ZNF415: variants seen among roughly 807,000 people sequenced by gnomAD.
ZNF415 encodes zinc finger protein 415.
A neutral mutation model predicts 7.3 loss-of-function variants in ZNF415; 5 were observed. The observed-to-expected ratio is 0.69, with a 90% confidence interval of 0.36 to 1.44. The LOEUF (loss-of-function observed/expected upper bound fraction) is 1.44. ZNF415 is among the 40% of genes most tolerant of loss of function. ZNF415 has a pLI of 0.04. For missense variants in ZNF415, 628 were observed against 664.8 expected, an observed-to-expected ratio of 0.94 and a Z score of 0.61; for synonymous variants, 207 against 226.3, an observed-to-expected ratio of 0.91 and a Z score of 0.77.
At chr19:53,127,474 CT>C (rs1164821430) in intron 1 of ZNF415, among the ~76,000 whole-genome samples, 1 of 152,198 alleles carries the variant, frequency 6.6e-6, no homozygotes, top group Non-Finnish European at 1.5e-5. Context: ...CCACCAAAGC[CT>C]ACCAATAAAA....
intron 1 of ZNF415, among the ~76,000 whole-genome samples, chr19:53,130,349 A>G (rs1216840439): frequency 6.6e-6 from 1 of 152,188 alleles, no homozygotes; most frequent in East Asian, 1.9e-4. Flanking sequence ...TATAATAAAG[A>G]GCAGAAAGCA....
chr19:53,116,566 G>A, intron 2 of ZNF415, 133 bp from the exon 3 acceptor site: 1 of 1,199,102 alleles, frequency 8.3e-7, no homozygotes, highest in African/African-American at 1.6e-5. Context: ...TCCACACTAA[G>A]GTATTTTTGA....
At chr19:53,126,271 G>A (rs996236045) in intron 1 of ZNF415, among the ~76,000 whole-genome samples, 5 of 151,282 alleles carry the variant, frequency 3.3e-5, no homozygotes, top group African/African-American at 9.7e-5. Flanking sequence ...AAGGGCAAGC[G>A]CAAGTCCACC....
At chr19:53,113,198 T>C (rs905607457) in intron 3 of ZNF415, among the ~76,000 whole-genome samples, 2 of 151,542 alleles carry the variant, frequency 1.3e-5, no homozygotes, top group Admixed American at 6.6e-5. Flanking sequence ...CTTAAACAAA[T>C]GACACTGGAC....
chr19:53,110,343 A>G (rs935123714), intron 3 of ZNF415, among the ~76,000 whole-genome samples: 1 of 152,238 alleles, frequency 6.6e-6, no homozygotes, highest in African/African-American at 2.4e-5. Flanking sequence ...ATGGTAACTA[A>G]GCCACAACAA....
Position 53,108,526 on chromosome 19 carries a change from C to T in ZNF415, c.1519G>A (p.Val507Met). 1 of 1,614,116 alleles carries T rather than the reference C, an allele frequency of 6.2e-7. No individual in the cohort carries two copies. The highest frequency in any genetic ancestry group is 8.5e-7 in the Non-Finnish European group (1 of 1,179,958). ...KCNECGKSFS[V>M]RPNLTRHQII... ...TGATGTCTAGTGAGGTTTGGGCGCA[C>T]ACTAAAGGATTTGCCACACTCATTA... The change falls in exon 4 of 4, where the codon GTG (valine) becomes ATG (methionine). Residue 507 changes from valine (V) to methionine (M), a missense_variant. Physicochemically the swap from Val to Met is conservative, Grantham distance 21. Coordinates refer to ENST00000243643, the MANE Select transcript of ZNF415 (RefSeq NM_018355.4).
At chr19:53,113,261 C>CAAAAAAAGA in intron 3 of ZNF415, among the ~76,000 whole-genome samples, 1 of 27,844 alleles carries the variant, frequency 3.6e-5, no homozygotes. Flanking sequence ...GTAATCCCAG[C>CAAAAAAAGA]ACTTTGGGAG....
At chr19:53,116,461 A>G in intron 2 of ZNF415, 28 bp from the exon 3 acceptor site, 2 of 1,613,826 alleles carry the variant, frequency 1.2e-6, no homozygotes, top group Non-Finnish European at 1.7e-6. Context: ...AACACATTTC[A>G]CCAAGAGGTT....
chr19:53,117,075 AT>A (rs1466647609), intron 2 of ZNF415, among the ~76,000 whole-genome samples: 3 of 152,178 alleles, frequency 2.0e-5, no homozygotes, highest in Non-Finnish European at 4.4e-5. Flanking sequence ...AATTTCATAG[AT>A]TCTCAAAGAG....
chr19:53,115,580 A>C (rs886220203), intron 3 of ZNF415: 2 of 750,700 alleles, frequency 2.7e-6, no homozygotes, highest in African/African-American at 3.5e-5. Flanking sequence ...GGGGAAGTTT[A>C]AAATTTCCTC....
intron 2 of ZNF415, among the ~76,000 whole-genome samples, chr19:53,119,562 G>C (rs1051772807): frequency 7.0e-5 from 10 of 142,588 alleles, no homozygotes; most frequent in African/African-American, 2.1e-4. Flanking sequence ...AAATAACAAA[G>C]ATCAGAGCAG....
At chr19:53,115,266 C>A in intron 3 of ZNF415, 1 of 169,094 alleles carries the variant, frequency 5.9e-6, no homozygotes, top group South Asian at 1.4e-4. Flanking sequence ...ATCCGGGAGG[C>A]GAAGGTTGCA....
Position 53,109,271 on chromosome 19 carries a change from G to A in ZNF415, c.774C>T (p.Asn258=), listed in dbSNP as rs550696572. The change falls in exon 4 of 4, where the codon AAC becomes AAT. Residue 258 remains asparagine, a synonymous_variant. Transcript: ENST00000243643. The part of the protein sequence containing the change: ...LCGKVFSQKS[N]LARHWRVHTG... ...TATGAACTCTCCAATGACGCGCAAG[G>A]TTTGATTTTTGACTAAAGACCTTGC... 1.2e-6 allele frequency: 2 copies of A among 1,614,048 alleles called. No homozygotes were observed. The highest frequency in any genetic ancestry group is 1.7e-6 in the Non-Finnish European group (2 of 1,180,034).
chr19:53,128,160 T>C (rs1036551722), intron 1 of ZNF415, among the ~76,000 whole-genome samples: 6 of 151,934 alleles, frequency 3.9e-5, no homozygotes, highest in African/African-American at 1.5e-4. Context: ...CTTCCATGCA[T>C]GAAGAGCACA....
chr19:53,126,264 G>GGCAAGC, intron 1 of ZNF415, among the ~76,000 whole-genome samples: 1 of 151,338 alleles, frequency 6.6e-6, no homozygotes, highest in Non-Finnish European at 1.5e-5. Flanking sequence ...CCTGTGGAAG[G>GGCAAGC]GCAAGCGCAA....
Position 53,113,217 on chromosome 19 carries a change from C to A in ZNF415, c.136+3096G>T, listed in dbSNP as rs1320645026. ...AACAAATGACACTGGACTTTAAAAA[C>A]CGAGGCATTGGCCGGGCGCGGTGGC... On this transcript the variant is annotated intron_variant, in intron 3 of 3. Transcript: ENST00000243643. Among the ~76,000 whole-genome samples, 7 of 99,330 alleles carry A rather than the reference C, an allele frequency of 7.0e-5. 1 individual carries two copies. The East Asian group carries it at 1.6e-3, about 23-fold the overall frequency. The allele number at this position is 99,330 out of a possible 152,430, so 65.2% of individuals were successfully genotyped here.
Position 53,109,869 on chromosome 19 carries a change from TGTG to T in ZNF415, c.173_175del (p.Pro58del). The T allele has an allele frequency of 6.2e-7, 1 of 1,607,512 alleles. No individual in the cohort carries two copies. The highest frequency in any genetic ancestry group is 8.5e-7 in the Non-Finnish European group (1 of 1,178,098). ...TACTTCTCCTGGGTTACCTTCCTGT[TGTG>T]GTGCTAGTTCCTTGATTACACAGTT... On this transcript the variant is annotated inframe_deletion, in exon 4 of 4. Coordinates refer to ENST00000243643, the MANE Select transcript of ZNF415 (RefSeq NM_018355.4).
chr19:53,114,769 C>T (rs1439191770), intron 3 of ZNF415, among the ~76,000 whole-genome samples: 1 of 152,166 alleles, frequency 6.6e-6, no homozygotes, highest in African/African-American at 2.4e-5. Context: ...AACCAACTCC[C>T]TCCCCTGGTC....
At chr19:53,120,953 G>A (rs772350808) in intron 2 of ZNF415, among the ~76,000 whole-genome samples, 13 of 151,618 alleles carry the variant, frequency 8.6e-5, no homozygotes, top group Admixed American at 2.0e-4. Flanking sequence ...GTGTGGTGGC[G>A]CGTGCCTGTA....
Sources: gnomAD v4.1 joint callset for allele counts (sites outside exome capture counted in the v4.1 genomes callset) on GRCh38, gnomAD v4.1.1 for gene constraint, MANE v1.5 for transcripts, NCBI Gene and HGNC (gene_info 2026-07-23, HGNC 2026-07-21) for gene names.